PKD2L1: variants seen among roughly 807,000 people sequenced by gnomAD.
The protein encoded by PKD2L1 is polycystin 2 like 1, transient receptor potential cation channel.
Under a neutral mutation model 93.0 loss-of-function variants are expected in PKD2L1, and 77 were observed. That is an observed-to-expected ratio of 0.83 (90% confidence interval 0.69 to 1.00). The LOEUF (loss-of-function observed/expected upper bound fraction) is 1.00, where lower values mean the gene tolerates loss of function less well. Ranked by LOEUF, PKD2L1 falls within the 50% of genes least tolerant of loss-of-function variation. The pLI is 0.00. For missense variants in PKD2L1, 977 were observed against 990.9 expected, an observed-to-expected ratio of 0.99 and a Z score of 0.19; for synonymous variants, 390 against 388.0, an observed-to-expected ratio of 1.01 and a Z score of -0.06.
chr10:100,295,731 C>CAAA (rs71013441), intron 7 of PKD2L1, among the ~76,000 whole-genome samples: 29 of 56,628 alleles, frequency 5.1e-4, no homozygotes, highest in East Asian at 1.0e-3. Context: ...GACTTCGTCT[C>CAAA]AAAAAAAAAA....
intron 11 of PKD2L1, among the ~76,000 whole-genome samples, chr10:100,292,599 G>C (rs1030079992): frequency 6.6e-5 from 10 of 152,182 alleles, no homozygotes; most frequent in Non-Finnish European, 1.2e-4. Flanking sequence ...TGGGAATCAG[G>C]GAGTGAATGG....
At chr10:100,318,179 C>T (rs1849143939) in intron 2 of PKD2L1, among the ~76,000 whole-genome samples, 1 of 152,174 alleles carries the variant, frequency 6.6e-6, no homozygotes, top group African/African-American at 2.4e-5. Flanking sequence ...AACTTAAAAT[C>T]TCAGCAATCC....
At chr10:100,318,555 G>A (rs1849154251) in intron 2 of PKD2L1, among the ~76,000 whole-genome samples, 1 of 144,816 alleles carries the variant, frequency 6.9e-6, no homozygotes, top group Non-Finnish European at 1.5e-5. Flanking sequence ...ATCTTGCTCT[G>A]TCACCCAGGT....
chr10:100,296,056 A>T, intron 7 of PKD2L1, 66 bp downstream of exon 7: 2 of 1,432,234 alleles, frequency 1.4e-6, no homozygotes, highest in Non-Finnish European at 1.9e-6. Context: ...AAAGAAAAAA[A>T]AGAAAAGAAA....
intron 2 of PKD2L1, among the ~76,000 whole-genome samples, chr10:100,325,456 C>T (rs1316598756): frequency 6.6e-6 from 1 of 152,142 alleles, no homozygotes; most frequent in Non-Finnish European, 1.5e-5. Flanking sequence ...GAGGCAGGGG[C>T]TAGGAAACTA....
intron 12 of PKD2L1, among the ~76,000 whole-genome samples, chr10:100,291,005 T>G (rs1589658588): frequency 6.6e-6 from 1 of 152,334 alleles, no homozygotes; most frequent in Middle Eastern, 3.4e-3. Flanking sequence ...TAGAGCATGA[T>G]TCTCAACCTT....
intron 2 of PKD2L1, among the ~76,000 whole-genome samples, chr10:100,324,997 C>T (rs1251330771): frequency 6.6e-6 from 1 of 152,178 alleles, no homozygotes; most frequent in Non-Finnish European, 1.5e-5. Context: ...AACGTGTATT[C>T]CCAATCCTTA....
In PKD2L1 at chr10:100,289,011, T is replaced by A; in HGVS notation, c.2296A>T (p.Thr766Ser). 6.2e-7 allele frequency: 1 copy of A among 1,613,068 alleles called. No homozygotes were observed. The highest frequency in any genetic ancestry group is 8.5e-7 in the Non-Finnish European group (1 of 1,179,326). The change falls in exon 15 of 16, where the codon ACC becomes TCC. Residue 766 changes from threonine (T) to serine (S), a missense_variant. Transcript: ENST00000318222. ...WKHPQPAPAV[T>S]PDPWGVQGGQ... The stretch of plus-strand genomic sequence containing the variant: ...CCCTGGACTCCCCAGGGGTCTGGGG[T>A]CACAGCTGGGGCTGGCTGCGGGTGC...
At position 100,294,539 on chromosome 10, in the gene PKD2L1, A is replaced by G; in HGVS notation, c.1655T>C (p.Leu552Pro). The G allele has an allele frequency of 6.2e-7, 1 of 1,614,088 alleles. No individual in the cohort carries two copies. Among genetic ancestry groups the G allele is most frequent in the South Asian group, 1.1e-5 (1 of 91,072 alleles). ...ACCCCTCAGAGAGACCCTCACCAGGAGCACGAAGAAGACGAAGAAGACATA... is the reference window on the plus strand; with the variant it reads ...ACCCCTCAGAGAGACCCTCACCAGGGGCACGAAGAAGACGAAGAAGACATA... ...VTYVFFVFFV[L>P]LNMFLAIIND... is the part of the protein sequence containing the mutation. The change falls in exon 9 of 16, where the codon CTC (leucine) becomes CCC (proline). Residue 552 changes from leucine (L) to proline (P), a missense_variant. By Grantham distance (98) the Leu-to-Pro change is moderately conservative. Coordinates refer to ENST00000318222, the MANE Select transcript of PKD2L1 (RefSeq NM_016112.3).
At chr10:100,291,832 TG>T (rs1192742397) in intron 11 of PKD2L1, among the ~76,000 whole-genome samples, 3 of 152,092 alleles carry the variant, frequency 2.0e-5, no homozygotes, top group African/African-American at 7.2e-5. Flanking sequence ...TTTGGCAGAG[TG>T]GTAGTGTGGC....
At chr10:100,307,967 C>A (rs1848843747) in intron 2 of PKD2L1, among the ~76,000 whole-genome samples, 1 of 152,110 alleles carries the variant, frequency 6.6e-6, no homozygotes, top group Non-Finnish European at 1.5e-5. Flanking sequence ...ATGTCAAATG[C>A]CAGTACGTCA....
chr10:100,312,074 T>C (rs189179497), intron 2 of PKD2L1, among the ~76,000 whole-genome samples: 117 of 152,292 alleles, frequency 7.7e-4, no homozygotes, highest in Admixed American at 2.0e-3. Flanking sequence ...CATTCCAAGT[T>C]GGATTCCAAA....
chr10:100,292,914 G>A (rs1482352817), intron 11 of PKD2L1, 34 bp downstream of exon 11: 1 of 1,604,090 alleles, frequency 6.2e-7, no homozygotes, highest in Non-Finnish European at 8.5e-7. Context: ...TTAAGAGACT[G>A]TTATTAGAGA....
At position 100,298,663 on chromosome 10, in the gene PKD2L1, A is replaced by G; in HGVS notation, c.630T>C (p.Cys210=). ...LRQLKVRNDS[C]VVHEDFREDI... ...CCTCCCGGAAGTCTTCATGCACCAC[A>G]CAGGAGTCATTGCGGACCTTTAGCT... Residue 210 remains cysteine (C), a synonymous_variant, in exon 4 of 16, where the codon TGT becomes TGC. Transcript: ENST00000318222. 6.2e-7 allele frequency: 1 copy of G among 1,614,084 alleles called. No homozygotes were observed. Among genetic ancestry groups the G allele is most frequent in the Non-Finnish European group, 8.5e-7 (1 of 1,180,004 alleles).
At position 100,297,082 on chromosome 10, in the gene PKD2L1, G is replaced by A. The variant is rs1564882850; in HGVS notation, c.1083C>T (p.Val361=). The A allele has an allele frequency of 6.2e-7, 1 of 1,614,172 alleles. No individual in the cohort carries two copies. The highest frequency in any genetic ancestry group is 2.2e-5 in the East Asian group (1 of 44,874). ...CTTCCACCACATAGTAGAAGATGAA[G>A]ACGCAGAAGATGACCTCACAGCCAA... ...FIVGCEVIFC[V]FIFYYVVEEI... The change falls in exon 6 of 16, where the codon GTC becomes GTT. Residue 361 remains valine, a synonymous_variant. Transcript: ENST00000318222.
In PKD2L1 at chr10:100,297,524, G is replaced by C. The variant is rs1245397592; in HGVS notation, c.814C>G (p.Leu272Val). 19 of 1,614,042 alleles carry C rather than the reference G, an allele frequency of 1.2e-5. No homozygotes were observed. Among genetic ancestry groups the C allele is most frequent in the Non-Finnish European group, 1.6e-5 (19 of 1,180,032 alleles). The change falls in exon 5 of 16, where the codon CTG becomes GTG. Residue 272 changes from leucine (L) to valine (V), a missense_variant. Transcript: ENST00000318222. The stretch of plus-strand genomic sequence containing the variant: ...CCCTGTCGGGATCCTGGAAGGTCCA[G>C]GTAGTAGCCACCTCCGCTGTAGCTT... ...LTSYSGGGYY[L>V]DLPGSRQGSA... is the part of the protein sequence containing the mutation.
chr10:100,288,427 C>G lies in PKD2L1; in HGVS notation c.2387G>C (p.Arg796Pro), dbSNP rs142439136. 6.2e-7 allele frequency: 1 copy of G among 1,612,840 alleles called. No individual in the cohort carries two copies. Among genetic ancestry groups the G allele is most frequent in the Non-Finnish European group, 8.5e-7 (1 of 1,178,830 alleles). Residue 796 changes from arginine (R) to proline (P), a missense_variant, in exon 16 of 16, where the codon CGT becomes CCT. Physicochemically the swap from Arg to Pro is moderately radical, Grantham distance 103. Transcript: ENST00000318222. Reference protein sequence around the residue: ...EEALEERRLSRGEIPTLQRS With the variant: ...EEALEERRLSPGEIPTLQRS Reference sequence around the variant, plus strand: ...CCTCTGCAACGTTGGAATCTCACCACGGGAGAGTCTCCTCTCCTCTAAGGC... The same window carrying G: ...CCTCTGCAACGTTGGAATCTCACCAGGGGAGAGTCTCCTCTCCTCTAAGGC...
chr10:100,302,280 C>CACACACACAT (rs1554916598), intron 2 of PKD2L1, among the ~76,000 whole-genome samples: 25 of 150,848 alleles, frequency 1.7e-4, no homozygotes, highest in Non-Finnish European at 2.2e-4. Flanking sequence ...CACACACACA[C>CACACACACAT]ATATCAATTA....
rs953966458 is a variant in PKD2L1 at position 100,288,996 on chromosome 10, C to T, written c.2311G>A (p.Gly771Arg). 6 of 1,611,296 alleles carry T rather than the reference C, an allele frequency of 3.7e-6. No homozygotes were observed. In the African/African-American group the frequency reaches 8.0e-5, roughly 22 times the overall value. The stretch of plus-strand genomic sequence containing the variant: ...CCACTCTCCTGCCCACCCTGGACTC[C>T]CCAGGGGTCTGGGGTCACAGCTGGG... ...PAPAVTPDPW[G>R]VQGGQESEVP... Residue 771 changes from glycine to arginine, a missense_variant, in exon 15 of 16, where the codon GGA becomes AGA. Coordinates refer to ENST00000318222, the MANE Select transcript of PKD2L1 (RefSeq NM_016112.3).
Sources: gnomAD v4.1 joint callset for allele counts (sites outside exome capture counted in the v4.1 genomes callset) on GRCh38, gnomAD v4.1.1 for gene constraint, MANE v1.5 for transcripts, NCBI Gene and HGNC (gene_info 2026-07-23, HGNC 2026-07-21) for gene names.